Variants in RBMS1 observed in about 807,000 individuals in gnomAD.
RBMS1 encodes RNA-binding motif, single-stranded-interacting protein 1.
In RBMS1, 17 loss-of-function variants were observed where a neutral mutation model predicts 62.3. That is an observed-to-expected ratio of 0.27 (90% confidence interval 0.19 to 0.41). The LOEUF (loss-of-function observed/expected upper bound fraction) is 0.41, where lower values mean the gene tolerates loss of function less well. Among genes scored for constraint, RBMS1 ranks in the 10% least tolerant of loss-of-function variants. RBMS1 has a pLI of 1.00. For missense variants in RBMS1, 334 were observed against 504.5 expected (o/e 0.66, Z 3.24); for synonymous variants, 172 against 170.0 (o/e 1.01, Z -0.09).
intron 1 of RBMS1, among the ~76,000 whole-genome samples, chr2:160,483,775 G>A (rs964151355): frequency 1.3e-5 from 2 of 152,136 alleles, no homozygotes; most frequent in South Asian, 4.1e-4. Flanking sequence ...GTGAAGAAGA[G>A]AGAAAGTAAA....
chr2:160,482,679 A>AAT (rs1685419333), intron 1 of RBMS1, among the ~76,000 whole-genome samples: 1 of 152,226 alleles, frequency 6.6e-6, no homozygotes, highest in Admixed American at 6.5e-5. Flanking sequence ...TTATATTTAA[A>AAT]ATATCTGGCT....
At chr2:160,417,643 C>T (rs868013953) in intron 1 of RBMS1, among the ~76,000 whole-genome samples, 2 of 152,138 alleles carry the variant, frequency 1.3e-5, no homozygotes, top group Admixed American at 6.5e-5. Context: ...AATTAAAAGA[C>T]ACCATAACTT....
intron 9 of RBMS1, chr2:160,282,217 A>G (rs770221240): frequency 2.9e-6 from 4 of 1,358,876 alleles, no homozygotes; most frequent in Non-Finnish European, 3.9e-6. Context: ...CAGAGAGGAT[A>G]TGGGGAAGAG....
chr2:160,490,560 T>A (rs1344208405), intron 1 of RBMS1, among the ~76,000 whole-genome samples: 2 of 152,124 alleles, frequency 1.3e-5, no homozygotes, highest in Non-Finnish European at 2.9e-5. Context: ...ACGGATGGTA[T>A]TTTTTTATTA....
At chr2:160,347,178 T>A (rs1211899686) in intron 2 of RBMS1, among the ~76,000 whole-genome samples, 1 of 152,104 alleles carries the variant, frequency 6.6e-6, no homozygotes, top group Non-Finnish European at 1.5e-5. Flanking sequence ...TTTCTTTTTT[T>A]TCACTAAGGG....
At chr2:160,354,120 T>A (rs1004970849) in intron 2 of RBMS1, among the ~76,000 whole-genome samples, 1 of 152,086 alleles carries the variant, frequency 6.6e-6, no homozygotes, top group African/African-American at 2.4e-5. Context: ...GGACCTGACA[T>A]GTAAATTTTG....
At chr2:160,308,648 A>G (rs1368244145) in intron 4 of RBMS1, among the ~76,000 whole-genome samples, 1 of 152,234 alleles carries the variant, frequency 6.6e-6, no homozygotes, top group African/African-American at 2.4e-5. Context: ...AATTCACAAT[A>G]TGCAGAATGT....
chr2:160,403,652 T>C (rs185310333), intron 1 of RBMS1, among the ~76,000 whole-genome samples: 12 of 152,326 alleles, frequency 7.9e-5, no homozygotes, highest in Non-Finnish European at 5.9e-5. Context: ...GGCAAGACCA[T>C]TAAACACACA....
chr2:160,478,930 G>A (rs1685249113), intron 1 of RBMS1, among the ~76,000 whole-genome samples: 1 of 152,144 alleles, frequency 6.6e-6, no homozygotes, highest in African/African-American at 2.4e-5. Context: ...GATAGCGCAG[G>A]GAAAAAAACA....
At chr2:160,402,594 A>G (rs1190186195) in intron 1 of RBMS1, among the ~76,000 whole-genome samples, 1 of 152,214 alleles carries the variant, frequency 6.6e-6, no homozygotes, top group Non-Finnish European at 1.5e-5. Flanking sequence ...ACAAACAAAA[A>G]AACACTAATA....
chr2:160,404,385 TAC>T (rs777044933), intron 1 of RBMS1, among the ~76,000 whole-genome samples: 34 of 152,152 alleles, frequency 2.2e-4, no homozygotes, highest in Non-Finnish European at 2.5e-4. Flanking sequence ...AGCTCACTCC[TAC>T]ACAGTCGACC....
At chr2:160,304,334 T>C (rs1368083813) in intron 4 of RBMS1, among the ~76,000 whole-genome samples, 2 of 152,250 alleles carry the variant, frequency 1.3e-5, no homozygotes, top group African/African-American at 2.4e-5. Context: ...CAAAATGTTC[T>C]TGAAGTCTTG....
At chr2:160,285,082 A>G (rs1253873386) in intron 7 of RBMS1, 38 bp from the exon 8 acceptor site, 1 of 1,583,482 alleles carries the variant, frequency 6.3e-7, no homozygotes. Context: ...ATTCATCTAG[A>G]AAGGCATGAT....
chr2:160,447,697 G>A (rs1472673340), intron 1 of RBMS1, among the ~76,000 whole-genome samples: 1 of 152,210 alleles, frequency 6.6e-6, no homozygotes, highest in Admixed American at 6.5e-5. Flanking sequence ...AGTTGAGACA[G>A]CATGAATGAG....
chr2:160,313,023 G>T, intron 4 of RBMS1, 133 bp downstream of exon 4: 1 of 724,572 alleles, frequency 1.4e-6, no homozygotes, highest in Non-Finnish European at 2.3e-6. Context: ...CGGAGGCACA[G>T]GACAAGTGTC....
chr2:160,342,160 T>C (rs1305025732), intron 2 of RBMS1, among the ~76,000 whole-genome samples: 1 of 152,190 alleles, frequency 6.6e-6, no homozygotes, highest in Non-Finnish European at 1.5e-5. Flanking sequence ...GAAGCATGTG[T>C]TTTGAGTATC....
At chr2:160,413,880 A>G (rs1471344511) in intron 1 of RBMS1, among the ~76,000 whole-genome samples, 1 of 152,246 alleles carries the variant, frequency 6.6e-6, no homozygotes, top group East Asian at 1.9e-4. Flanking sequence ...TACATAGTAG[A>G]GTTGGGGTTT....
intron 1 of RBMS1, among the ~76,000 whole-genome samples, chr2:160,435,660 C>T (rs956229043): frequency 6.6e-6 from 1 of 152,144 alleles, no homozygotes; most frequent in Non-Finnish European, 1.5e-5. Flanking sequence ...TTTTCAAGAT[C>T]ATCTCTGGCT....
intron 1 of RBMS1, among the ~76,000 whole-genome samples, chr2:160,407,238 G>A (rs905318282): frequency 5.3e-5 from 8 of 150,454 alleles, no homozygotes; most frequent in Non-Finnish European, 1.2e-4. Context: ...CTCCGCTCCT[G>A]CCCCTGCCCC....
Sources: allele counts gnomAD v4.1 joint callset (sites outside exome capture counted in the v4.1 genomes callset), GRCh38; gene constraint gnomAD v4.1.1; transcripts MANE v1.5; gene names NCBI Gene and HGNC (gene_info 2026-07-23, HGNC 2026-07-21).